The following ADK variants were observed in gnomAD, a reference collection of about 807,000 sequenced individuals.
The protein encoded by ADK is N6,N6-dimethyladenosine kinase.
Under a neutral mutation model 44.7 loss-of-function variants are expected in ADK, and 24 were observed. The ratio of observed to expected loss-of-function variants is 0.54; its 90% CI spans 0.39 to 0.76. The LOEUF (loss-of-function observed/expected upper bound fraction) is 0.76. ADK is among the 30% of genes least tolerant of loss of function. The pLI, the probability that ADK is intolerant of heterozygous loss-of-function variation, is 0.00. For synonymous variants in ADK, 128 were observed against 142.6 expected (o/e 0.90, Z 0.73); for missense variants, 321 against 425.1 (o/e 0.76, Z 2.15).
intron 7 of ADK, among the ~76,000 whole-genome samples, chr10:74,549,627 G>C (rs914151928): frequency 2.0e-5 from 3 of 152,020 alleles, no homozygotes; most frequent in Non-Finnish European, 2.9e-5. Flanking sequence ...TGTAGAGATG[G>C]GGTTTTGCCA....
intron 9 of ADK, among the ~76,000 whole-genome samples, chr10:74,601,463 T>G (rs1024165065): frequency 6.6e-6 from 1 of 152,124 alleles, no homozygotes; most frequent in Non-Finnish European, 1.5e-5. Context: ...ATAGATCAAC[T>G]TTCTTATTTC....
At chr10:74,475,891 G>C (rs1011482036) in intron 6 of ADK, among the ~76,000 whole-genome samples, 1 of 152,078 alleles carries the variant, frequency 6.6e-6, no homozygotes, top group Non-Finnish European at 1.5e-5. Flanking sequence ...CTGTTTTCTC[G>C]TAAGCTACTG....
intron 1 of ADK, among the ~76,000 whole-genome samples, chr10:74,186,495 GGTCTTGCT>G (rs1406701645): frequency 3.3e-5 from 5 of 151,006 alleles, no homozygotes; most frequent in African/African-American, 9.8e-5. Context: ...GTGGGGGTGG[GGTCTTGCT>G]ATGTTGCCCA....
chr10:74,312,297 T>A (rs11000982), intron 3 of ADK, among the ~76,000 whole-genome samples: 3 of 101,120 alleles, frequency 3.0e-5, no homozygotes, highest in African/African-American at 9.9e-5. Flanking sequence ...AGATAGAGTG[T>A]GTGTGTGTGT....
intron 7 of ADK, among the ~76,000 whole-genome samples, chr10:74,543,560 A>G (rs1361049542): frequency 2.0e-5 from 3 of 152,218 alleles, no homozygotes; most frequent in Non-Finnish European, 4.4e-5. Flanking sequence ...GGGTCAAAGG[A>G]TAAGTGCATA....
At chr10:74,161,304 C>G (rs1841890488) in intron 1 of ADK, among the ~76,000 whole-genome samples, 1 of 152,162 alleles carries the variant, frequency 6.6e-6, no homozygotes, top group Non-Finnish European at 1.5e-5. Context: ...CAGGTTCAAG[C>G]AATTCTCCTG....
intron 10 of ADK, among the ~76,000 whole-genome samples, chr10:74,675,497 T>C (rs1855355812): frequency 1.3e-5 from 2 of 152,218 alleles, no homozygotes; most frequent in Non-Finnish European, 2.9e-5. Flanking sequence ...CCAGCCCTGA[T>C]AGAACTAATC....
At chr10:74,269,942 G>T (rs1005113725) in intron 3 of ADK, among the ~76,000 whole-genome samples, 6 of 152,178 alleles carry the variant, frequency 3.9e-5, no homozygotes, top group Admixed American at 3.9e-4. Flanking sequence ...AAATTGCAGT[G>T]AGCCAAGGTC....
chr10:74,611,389 A>T (rs1308897541), intron 9 of ADK, among the ~76,000 whole-genome samples: 1 of 152,076 alleles, frequency 6.6e-6, no homozygotes, highest in Non-Finnish European at 1.5e-5. Context: ...GTAATTTTTC[A>T]CAAAGGGAGA....
At chr10:74,320,737 C>G (rs1840779689) in intron 4 of ADK, among the ~76,000 whole-genome samples, 1 of 151,990 alleles carries the variant, frequency 6.6e-6, no homozygotes, top group Admixed American at 6.6e-5. Context: ...CCTCAGCTTG[C>G]TTTTTTTACC....
intron 6 of ADK, among the ~76,000 whole-genome samples, chr10:74,522,548 A>AC (rs961977565): frequency 1.3e-5 from 2 of 151,954 alleles, no homozygotes; most frequent in African/African-American, 4.8e-5. Flanking sequence ...TAAAAGATGG[A>AC]CCCCAATACA....
chr10:74,307,799 A>T (rs10824144), intron 3 of ADK, among the ~76,000 whole-genome samples: 1 of 151,920 alleles, frequency 6.6e-6, no homozygotes, highest in Non-Finnish European at 1.5e-5. Flanking sequence ...GTAGAAATAG[A>T]AGCTGAAAGC....
At chr10:74,170,711 A>C (rs966705714) in intron 1 of ADK, among the ~76,000 whole-genome samples, 1 of 151,416 alleles carries the variant, frequency 6.6e-6, no homozygotes, top group South Asian at 2.1e-4. Context: ...GAGGCAGGAG[A>C]ATGGCGTGAA....
chr10:74,607,611 G>A (rs1405915938), intron 9 of ADK, among the ~76,000 whole-genome samples: 2 of 152,164 alleles, frequency 1.3e-5, no homozygotes, highest in Non-Finnish European at 2.9e-5. Flanking sequence ...CTGTTAGTCT[G>A]ATGGGCTTCC....
intron 3 of ADK, among the ~76,000 whole-genome samples, chr10:74,302,332 G>A (rs1356987852): frequency 6.6e-6 from 1 of 150,530 alleles, no homozygotes; most frequent in African/African-American, 2.4e-5. Context: ...ATGTTCCCTG[G>A]GCTAGTTTCA....
chr10:74,647,876 A>G (rs1854110796), intron 9 of ADK, among the ~76,000 whole-genome samples: 2 of 152,272 alleles, frequency 1.3e-5, no homozygotes, highest in South Asian at 4.1e-4. Context: ...ATACTAATTA[A>G]GTAAGTCTAA....
At chr10:74,455,657 G>A (rs1845918056) in intron 6 of ADK, among the ~76,000 whole-genome samples, 1 of 152,044 alleles carries the variant, frequency 6.6e-6, no homozygotes. Flanking sequence ...CTACAGGTGT[G>A]CGCCACCACG....
intron 4 of ADK, among the ~76,000 whole-genome samples, chr10:74,321,058 G>A (rs1275859231): frequency 1.3e-5 from 2 of 152,062 alleles, no homozygotes; most frequent in South Asian, 2.1e-4. Flanking sequence ...GCTTCGTGAG[G>A]TATTTCTATT....
rs1335714947 is a variant in ADK, at chr10:74,471,794, T to A, written c.556-53462T>A. ...TAATATATTTGTTTTCTTAATTTTC[T>A]TTTTGGGTTGTTCATTGTTAGTATT... On this transcript the variant is annotated intron_variant, in intron 6 of 10. Coordinates refer to ENST00000539909, the MANE Select transcript of ADK (RefSeq NM_006721.4). 2.0e-5 allele frequency among the ~76,000 whole-genome samples: 3 copies of A among 152,322 alleles called. No individual in the cohort carries two copies. The East Asian group carries it at 5.8e-4, about 29-fold the overall frequency.
Sources: allele counts gnomAD v4.1 joint callset (sites outside exome capture counted in the v4.1 genomes callset), GRCh38; gene constraint gnomAD v4.1.1; transcripts MANE v1.5; gene names NCBI Gene and HGNC (gene_info 2026-07-23, HGNC 2026-07-21).